Variants in SNF8 observed in about 807,000 individuals in gnomAD.
SNF8 encodes vacuolar-sorting protein SNF8.
A neutral mutation model predicts 36.8 loss-of-function variants in SNF8; 19 were observed. The observed-to-expected ratio is 0.52, with a 90% CI of 0.36 to 0.76. SNF8 has a LOEUF of 0.76. Among genes scored for constraint, SNF8 ranks in the 30% least tolerant of loss-of-function variants. The pLI is 0.00. For missense variants in SNF8, 268 were observed against 322.9 expected (o/e 0.83, Z 1.30); for synonymous variants, 127 against 127.4 (o/e 1.00, Z 0.02).
chr17:48,935,366 A>G (rs2040918945), intron 5 of SNF8, among the ~76,000 whole-genome samples: 1 of 152,028 alleles, frequency 6.6e-6, no homozygotes, highest in Non-Finnish European at 1.5e-5. Context: ...ACAAAAAATT[A>G]GCCGGGCGTG....
At chr17:48,936,415 G>C (rs1429002031) in intron 4 of SNF8, among the ~76,000 whole-genome samples, 173 bp from the exon 5 acceptor site, 1 of 152,052 alleles carries the variant, frequency 6.6e-6, no homozygotes, top group African/African-American at 2.4e-5. Flanking sequence ...TGGATTCTGA[G>C]ACCTTGCTAG....
At chr17:48,938,549 T>A (rs1197161290) in intron 3 of SNF8, among the ~76,000 whole-genome samples, 1 of 148,432 alleles carries the variant, frequency 6.7e-6, no homozygotes, top group Non-Finnish European at 1.5e-5. Context: ...CAGTAGTAAT[T>A]ATATTATAAT....
chr17:48,931,530 G>A, intron 7 of SNF8, 113 bp downstream of exon 7: 1 of 828,898 alleles, frequency 1.2e-6, no homozygotes, highest in Non-Finnish European at 1.9e-6. Context: ...GGCAGCAGTA[G>A]CCTTCAAGGC....
chr17:48,929,435 G>C lies in SNF8; in HGVS notation c.*1040C>G, dbSNP rs1478105619. 1 of 152,164 alleles carries C rather than the reference G, an allele frequency of 6.6e-6. No individual in the cohort carries two copies. Among genetic ancestry groups the C allele is most frequent in the Non-Finnish European group, 1.5e-5 (1 of 68,034 alleles). 9.4% of individuals were successfully genotyped at this position (152,164 alleles called of 1,614,324 possible). A position where few individuals can be genotyped will look rare whatever the true frequency, so the allele number is the denominator to read the frequency against. On this transcript the variant is annotated 3_prime_UTR_variant, in exon 8 of 8. Coordinates refer to ENST00000502492, the MANE Select transcript of SNF8 (RefSeq NM_007241.4). ...AAACCATTGAGTTTTCAGATTTCCA[G>C]TACTAAACTAGCACTTTTAGGATCT...
chr17:48,940,838 C>T (rs1296922225), intron 3 of SNF8, 86 bp downstream of exon 3: 2 of 1,486,404 alleles, frequency 1.3e-6, no homozygotes, highest in Admixed American at 1.8e-5. Flanking sequence ...CTAGTGGATG[C>T]CCCAACAGTG....
chr17:48,937,251 A>C (rs1336713621), intron 3 of SNF8, 127 bp from the exon 4 acceptor site: 3 of 780,180 alleles, frequency 3.8e-6, no homozygotes, highest in Non-Finnish European at 6.9e-6. Context: ...CTTCTGCTCC[A>C]TCTGCTACTC....
At chr17:48,936,951 T>C (rs2040942822) in intron 4 of SNF8, 69 bp downstream of exon 4, 1 of 1,164,668 alleles carries the variant, frequency 8.6e-7, no homozygotes, top group African/African-American at 1.5e-5. Context: ...ATGGAAACGA[T>C]AATCTTTTAC....
intron 6 of SNF8, 135 bp from the exon 7 acceptor site, chr17:48,931,852 T>C: frequency 1.5e-6 from 1 of 652,834 alleles, no homozygotes; most frequent in Non-Finnish European, 2.6e-6. Flanking sequence ...AGAAAATGTT[T>C]AAAGGTTCCA....
intron 7 of SNF8, among the ~76,000 whole-genome samples, chr17:48,931,253 A>G (rs533383139): frequency 6.6e-6 from 1 of 152,338 alleles, no homozygotes; most frequent in Admixed American, 6.5e-5. Context: ...TAGAGTATAT[A>G]CTATGCAATA....
chr17:48,938,510 A>AG (rs1020724142), intron 3 of SNF8, among the ~76,000 whole-genome samples: 30 of 151,512 alleles, frequency 2.0e-4, no homozygotes, highest in Non-Finnish European at 3.7e-4. Flanking sequence ...AAAAAAAAAA[A>AG]AAAGAAAACA....
intron 5 of SNF8, chr17:48,934,332 G>C (rs1011646562): frequency 2.7e-5 from 4 of 149,794 alleles, no homozygotes; most frequent in African/African-American, 9.9e-5. Context: ...TTTTTTTTAG[G>C]AGATGAGGTC....
At chr17:48,935,192 GA>G in intron 5 of SNF8, among the ~76,000 whole-genome samples, 1 of 152,066 alleles carries the variant, frequency 6.6e-6, no homozygotes. Flanking sequence ...CCAACAACGT[GA>G]AACCCCATCA....
At chr17:48,941,204 T>C in intron 2 of SNF8, 142 bp from the exon 3 acceptor site, 1 of 897,768 alleles carries the variant, frequency 1.1e-6, no homozygotes, top group Non-Finnish European at 1.7e-6. Flanking sequence ...TTACCATCTC[T>C]CTTTTTATCC....
chr17:48,933,300 C>T lies in SNF8; in HGVS notation c.469G>A (p.Gly157Ser). 1 of 1,614,200 alleles carries T rather than the reference C, an allele frequency of 6.2e-7. No homozygotes were observed. The highest frequency in any genetic ancestry group is 8.5e-7 in the Non-Finnish European group (1 of 1,180,044). Residue 157 changes from glycine (G) to serine (S), a missense_variant, in exon 6 of 8, where the codon GGC becomes AGC. Coordinates refer to ENST00000502492, the MANE Select transcript of SNF8 (RefSeq NM_007241.4). ...CCGCCCACAGGGATGATGCCGAAGC[C>T]AGTGCCAAGTGCCTTTAGTTTCTTG... ...AIKKLKALGT[G>S]FGIIPVGGTY...
At chr17:48,942,016 T>C (rs1033660722) in intron 2 of SNF8, among the ~76,000 whole-genome samples, 2 of 151,524 alleles carry the variant, frequency 1.3e-5, no homozygotes, top group African/African-American at 4.8e-5. Flanking sequence ...CAATATAAAT[T>C]AAAAAAACAA....
At chr17:48,944,595 T>C (rs187917666) in intron 1 of SNF8, 86 bp downstream of exon 1, 1 of 1,404,666 alleles carries the variant, frequency 7.1e-7, no homozygotes, top group Admixed American at 1.7e-5. Context: ...TGTTGGGAGG[T>C]GATTAACGGG....
At chr17:48,939,458 CTT>C (rs528890224) in intron 3 of SNF8, among the ~76,000 whole-genome samples, 14 of 132,642 alleles carry the variant, frequency 1.1e-4, no homozygotes, top group Non-Finnish European at 1.6e-4. Flanking sequence ...TTAGTAATTT[CTT>C]TTTTTTTTTT....
chr17:48,930,295 C>T lies in SNF8; in HGVS notation c.*180G>A, dbSNP rs1021184758. ...TGTTAATCAGATTATGCTTACTGAA[C>T]GAGCGAGGTTTTCCTCCAATAAAAA... On this transcript the variant is annotated 3_prime_UTR_variant, in exon 8 of 8. Transcript: ENST00000502492. The T allele has an allele frequency of 4.7e-5, 28 of 592,246 alleles. No individual in the cohort carries two copies. Among genetic ancestry groups the T allele is most frequent in the Non-Finnish European group, 6.5e-5 (23 of 355,878 alleles). The allele number at this position is 592,246 out of a possible 1,614,324, so 36.7% of individuals were successfully genotyped here. A position where few individuals can be genotyped will look rare whatever the true frequency, so the allele number is the denominator to read the frequency against.
At chr17:48,941,749 G>C (rs1375277686) in intron 2 of SNF8, among the ~76,000 whole-genome samples, 1 of 151,716 alleles carries the variant, frequency 6.6e-6, no homozygotes, top group Non-Finnish European at 1.5e-5. Flanking sequence ...GGAGTGCACT[G>C]GCACAATCTC....
Sources: allele counts gnomAD v4.1 joint callset (sites outside exome capture counted in the v4.1 genomes callset), GRCh38; gene constraint gnomAD v4.1.1; transcripts MANE v1.5; gene names NCBI Gene and HGNC (gene_info 2026-07-23, HGNC 2026-07-21).